KCNIP3: variants seen among roughly 807,000 people sequenced by gnomAD.
KCNIP3 encodes the protein calsenilin.
In KCNIP3, 28 loss-of-function variants were observed where a neutral mutation model predicts 35.0. The ratio of observed to expected loss-of-function variants is 0.80; its 90% CI spans 0.59 to 1.10. The LOEUF is 1.10. Among genes scored for constraint, KCNIP3 ranks in the 50% least tolerant of loss-of-function variants. KCNIP3 has a pLI of 0.00. For synonymous variants in KCNIP3, 134 were observed against 133.8 expected (o/e 1.00, Z -0.01); for missense variants, 295 against 338.4 (o/e 0.87, Z 1.01).
intron 1 of KCNIP3, chr2:95,302,948 A>G (rs1274043937): frequency 2.0e-5 from 3 of 152,716 alleles, no homozygotes; most frequent in Non-Finnish European, 4.4e-5. Flanking sequence ...CATCTTGCCC[A>G]TGCATGTACT....
intron 2 of KCNIP3, among the ~76,000 whole-genome samples, chr2:95,327,064 A>C (rs1312990682): frequency 2.0e-5 from 3 of 152,208 alleles, no homozygotes; most frequent in Admixed American, 2.0e-4. Context: ...CTCTTGCCGG[A>C]GGACTGAAGG....
At chr2:95,349,102 C>T (rs1379382968) in intron 2 of KCNIP3, among the ~76,000 whole-genome samples, 5 of 152,176 alleles carry the variant, frequency 3.3e-5, no homozygotes, top group African/African-American at 1.2e-4. Context: ...CCCCCGCCCC[C>T]CGTCAGAGGG....
chr2:95,345,286 C>T (rs1365343552), intron 2 of KCNIP3, among the ~76,000 whole-genome samples: 1 of 152,222 alleles, frequency 6.6e-6, no homozygotes, highest in Non-Finnish European at 1.5e-5. Context: ...ACGTAATTAG[C>T]CCTCTAGCCT....
chr2:95,323,252 A>G (rs2104229986), intron 2 of KCNIP3, among the ~76,000 whole-genome samples: 1 of 152,338 alleles, frequency 6.6e-6, no homozygotes, highest in South Asian at 2.1e-4. Flanking sequence ...CCTCCCCAGT[A>G]TGCTGGGCAT....
At chr2:95,329,037 C>A (rs1558765134) in intron 2 of KCNIP3, among the ~76,000 whole-genome samples, 1 of 152,216 alleles carries the variant, frequency 6.6e-6, no homozygotes, top group African/African-American at 2.4e-5. Context: ...ATGGCTTGGA[C>A]TGCAGAGACC....
rs1419154936 is a variant in KCNIP3 at position 95,348,668 on chromosome 2, CAAG to C, written c.182-25626_182-25624del. On this transcript the variant is annotated intron_variant, in intron 2 of 8. Coordinates refer to ENST00000295225, the MANE Select transcript of KCNIP3 (RefSeq NM_013434.5). ...TTCTTTGCAAGGTGGACAGTATGCA[CAAG>C]ATGACAGATGGTTTATTCCACCTGC... Among the ~76,000 whole-genome samples, 3 of 152,194 alleles carry C rather than the reference CAAG, an allele frequency of 2.0e-5. No individual in the cohort carries two copies. In the East Asian group the frequency reaches 5.8e-4, roughly 29 times the overall value.
At chr2:95,325,677 ACACTCATACACATACACACT>A (rs1030104273) in intron 2 of KCNIP3, among the ~76,000 whole-genome samples, 2 of 151,780 alleles carry the variant, frequency 1.3e-5, no homozygotes, top group African/African-American at 4.8e-5. Flanking sequence ...ATACACATAC[ACACTCATACACATACACACT>A]CATACATACA....
intron 2 of KCNIP3, among the ~76,000 whole-genome samples, chr2:95,332,237 G>T (rs1678949658): frequency 6.6e-6 from 1 of 152,262 alleles, no homozygotes; most frequent in Admixed American, 6.5e-5. Context: ...CACACAAATG[G>T]CCCTGGCGCT....
At chr2:95,380,733 C>CGAG (rs1400940254) in intron 5 of KCNIP3, among the ~76,000 whole-genome samples, 1 of 152,184 alleles carries the variant, frequency 6.6e-6, no homozygotes, top group East Asian at 1.9e-4. Context: ...CAGGTTTGGG[C>CGAG]GAGGTGGCCC....
chr2:95,319,863 A>G (rs1420316209), intron 2 of KCNIP3, among the ~76,000 whole-genome samples: 1 of 152,138 alleles, frequency 6.6e-6, no homozygotes, highest in Non-Finnish European at 1.5e-5. Context: ...AGTGAGACAT[A>G]AGCCTCGTAT....
chr2:95,323,376 T>G (rs958743686), intron 2 of KCNIP3, among the ~76,000 whole-genome samples: 7 of 152,186 alleles, frequency 4.6e-5, no homozygotes, highest in African/African-American at 1.7e-4. Context: ...GAAACGTCTC[T>G]GTGTGCTTAG....
chr2:95,337,881 C>T (rs779346717), intron 2 of KCNIP3, among the ~76,000 whole-genome samples: 53 of 152,250 alleles, frequency 3.5e-4, no homozygotes, highest in Non-Finnish European at 6.0e-4. Context: ...AATAGAAAGG[C>T]GGGCAGCTAG....
At chr2:95,373,413 G>GT (rs1680085578) in intron 2 of KCNIP3, among the ~76,000 whole-genome samples, 3 of 124,826 alleles carry the variant, frequency 2.4e-5, no homozygotes, top group Admixed American at 1.8e-4. Context: ...ACAAGTTTGT[G>GT]GTTTTTTTTT....
intron 2 of KCNIP3, among the ~76,000 whole-genome samples, chr2:95,323,745 C>G (rs1258477748): frequency 6.6e-6 from 1 of 152,142 alleles, no homozygotes; most frequent in Non-Finnish European, 1.5e-5. Flanking sequence ...CAAGCTAAGC[C>G]CCGGACAGGC....
intron 2 of KCNIP3, among the ~76,000 whole-genome samples, chr2:95,359,917 G>C (rs907158890): frequency 6.6e-5 from 10 of 152,222 alleles, no homozygotes; most frequent in African/African-American, 2.4e-4. Context: ...TCCTTGGAGG[G>C]GGCCCTTGGC....
intron 2 of KCNIP3, among the ~76,000 whole-genome samples, chr2:95,353,572 A>G (rs1307617491): frequency 9.9e-5 from 15 of 152,184 alleles, no homozygotes; most frequent in Non-Finnish European, 4.4e-5. Context: ...GAATGGGGAT[A>G]ATAATACCTC....
At chr2:95,313,548 G>A (rs7580685) in intron 2 of KCNIP3, 117,140 of 152,166 alleles carry the variant, frequency 0.77, 45,610 homozygotes, top group African/African-American at 0.87. Flanking sequence ...TGCCCTGCAT[G>A]CCTCCCCTGC....
In KCNIP3 at chr2:95,310,517, TCAG is replaced by T; in HGVS notation, c.179_181del (p.Ser60_Asp61delinsTyr). On this transcript the variant is annotated inframe_deletion and splice_region_variant, in exon 2 of 9. Coordinates refer to ENST00000295225, the MANE Select transcript of KCNIP3 (RefSeq NM_013434.5). Reference sequence around the variant, plus strand: ...CCTGTCCAGCACAGCCCCACAGGGCTCAGGTAGGGGCCAGGGTGGGCTGTGGTC... The same window carrying T: ...CCTGTCCAGCACAGCCCCACAGGGCTGTAGGGGCCAGGGTGGGCTGTGGTC... 1 of 1,605,632 alleles carries T rather than the reference TCAG, an allele frequency of 6.2e-7. No individual in the cohort carries two copies. Among genetic ancestry groups the T allele is most frequent in the Non-Finnish European group, 8.5e-7 (1 of 1,177,372 alleles).
intron 5 of KCNIP3, 28 bp from the exon 6 acceptor site, chr2:95,381,568 C>G: frequency 3.9e-6 from 6 of 1,529,970 alleles, no homozygotes; most frequent in Non-Finnish European, 5.4e-6. Flanking sequence ...GATTGGATGT[C>G]ACGCCCCACA....
Sources: allele counts gnomAD v4.1 joint callset (sites outside exome capture counted in the v4.1 genomes callset), GRCh38; gene constraint gnomAD v4.1.1; transcripts MANE v1.5; gene names NCBI Gene and HGNC (gene_info 2026-07-23, HGNC 2026-07-21).